Variants in LINGO2 observed in about 807,000 individuals in gnomAD.
The protein encoded by LINGO2 is leucine rich repeat and Ig domain containing 2, also known as leucine-rich repeat and immunoglobulin-like domain-containing nogo receptor-interacting protein 2.
A neutral mutation model predicts 30.6 loss-of-function variants in LINGO2; 14 were observed. The observed-to-expected ratio is 0.46, with a 90% confidence interval of 0.30 to 0.72. The LOEUF (loss-of-function observed/expected upper bound fraction) is 0.72. Among genes scored for constraint, LINGO2 ranks in the 30% least tolerant of loss-of-function variants. The probability of loss-of-function intolerance (pLI) is 0.07; values close to 1 mark genes in which losing one functional copy is unlikely to be tolerated. For missense variants in LINGO2, 729 were observed against 751.7 expected (o/e 0.97, Z 0.35); for synonymous variants, 317 against 288.5 (o/e 1.10, Z -1.00).
At position 28,312,113 on chromosome 9, in the gene LINGO2, A is replaced by G. The variant is rs908867404; in HGVS notation, c.-245-16747T>C. 4.0e-5 allele frequency among the ~76,000 whole-genome samples: 6 copies of G among 149,194 alleles called. No homozygotes were observed. The Admixed American group carries it at 4.0e-4, about 10-fold the overall frequency. Reference sequence around the variant, plus strand: ...ACCATTTATTGGTTATTAGTCAAGTATCTATGTTCTTTAGCTAGATGTTTT... The same window carrying G: ...ACCATTTATTGGTTATTAGTCAAGTGTCTATGTTCTTTAGCTAGATGTTTT... On this transcript the variant is annotated intron_variant, in intron 3 of 5. Coordinates refer to ENST00000379992, the Ensembl canonical transcript of LINGO2.
chr9:28,206,584 A>G, intron 4 of LINGO2, among the ~76,000 whole-genome samples: 1 of 152,166 alleles, frequency 6.6e-6, no homozygotes, highest in African/African-American at 2.4e-5. Flanking sequence ...GTTTTCTGCA[A>G]TCTTGAACTA....
chr9:28,508,795 C>T (rs910808763), intron 1 of LINGO2, among the ~76,000 whole-genome samples: 2 of 152,012 alleles, frequency 1.3e-5, no homozygotes, highest in Non-Finnish European at 2.9e-5. Flanking sequence ...TGACAGTTAA[C>T]AGACAGAAAC....
At chr9:27,963,644 T>G (rs1237322256) in intron 5 of LINGO2, among the ~76,000 whole-genome samples, 2 of 151,738 alleles carry the variant, frequency 1.3e-5, no homozygotes, top group Admixed American at 6.6e-5. Context: ...CTGTAAACCT[T>G]CTGACAATCT....
the LINGO2 span, among the ~76,000 whole-genome samples, chr9:28,974,409 A>G: frequency 6.6e-6 from 1 of 152,188 alleles, no homozygotes; most frequent in Non-Finnish European, 1.5e-5. Flanking sequence ...CTGTCTCAAA[A>G]ACAAACAAAA....
chr9:28,936,749 T>C, the LINGO2 span, among the ~76,000 whole-genome samples: 1 of 152,248 alleles, frequency 6.6e-6, no homozygotes, highest in Admixed American at 6.5e-5. Flanking sequence ...TTGCCATTAT[T>C]ATTATAAGTG....
At chr9:28,684,912 C>A in the LINGO2 span, among the ~76,000 whole-genome samples, 12 of 152,100 alleles carry the variant, frequency 7.9e-5, no homozygotes, top group South Asian at 2.5e-3. Flanking sequence ...GTTTGATGTA[C>A]AGATTATTTC....
intron 4 of LINGO2, among the ~76,000 whole-genome samples, chr9:28,227,681 C>G (rs1307082357): frequency 2.0e-5 from 3 of 151,958 alleles, no homozygotes; most frequent in African/African-American, 7.2e-5. Context: ...TAGAATCCCT[C>G]TAGTTAACAG....
chr9:29,012,538 T>C, the LINGO2 span, among the ~76,000 whole-genome samples: 15 of 152,146 alleles, frequency 9.9e-5, no homozygotes, highest in Non-Finnish European at 1.6e-4. Context: ...GTCTTTTTCA[T>C]GTGTTAGTAG....
intron 4 of LINGO2, among the ~76,000 whole-genome samples, chr9:28,047,047 G>T (rs1360734947): frequency 6.6e-6 from 1 of 152,130 alleles, no homozygotes; most frequent in Non-Finnish European, 1.5e-5. Context: ...ATGCTTAGCA[G>T]ATTGTAGGGA....
intron 4 of LINGO2, among the ~76,000 whole-genome samples, chr9:28,143,973 C>A (rs1827744632): frequency 6.6e-6 from 1 of 151,982 alleles, no homozygotes; most frequent in Non-Finnish European, 1.5e-5. Flanking sequence ...GAAGCATAAA[C>A]TACTTGTGCA....
rs543614358 is a variant in LINGO2 at position 28,111,814 on chromosome 9, G to A, written c.-86-99409C>T. On this transcript the variant is annotated intron_variant, in intron 4 of 5. Transcript: ENST00000379992. ...TACAAGGGCTTTTAGAGTCACACAGGGGAGAGTGATGCATTATTTCTGGAG... is the reference window on the plus strand; with the variant it reads ...TACAAGGGCTTTTAGAGTCACACAGAGGAGAGTGATGCATTATTTCTGGAG... Among the ~76,000 whole-genome samples the A allele has an allele frequency of 3.9e-5, 6 of 152,184 alleles. No individual in the cohort carries two copies. In the South Asian group the frequency reaches 1.2e-3, roughly 32 times the overall value.
At chr9:28,304,710 T>C (rs1206951491) in intron 3 of LINGO2, among the ~76,000 whole-genome samples, 1 of 152,090 alleles carries the variant, frequency 6.6e-6, no homozygotes, top group African/African-American at 2.4e-5. Flanking sequence ...TTTTAGGTAT[T>C]TGTTTAGATC....
intron 1 of LINGO2, among the ~76,000 whole-genome samples, chr9:28,501,216 A>T (rs10123736): frequency 0.71 from 108,460 of 152,072 alleles, 38,930 homozygotes; most frequent in South Asian, 0.76. Context: ...ATTGTTGGTA[A>T]TTAGGAAGTA....
chr9:29,204,220 G>T, the LINGO2 span, among the ~76,000 whole-genome samples: 480 of 152,288 alleles, frequency 3.2e-3, 2 homozygotes, highest in Non-Finnish European at 5.5e-3. Context: ...GAATGATTTG[G>T]ATTAATCTAT....
rs554541319 is a variant in LINGO2 at position 28,147,724 on chromosome 9, G to T, written c.-86-135319C>A. Among the ~76,000 whole-genome samples the T allele has an allele frequency of 6.6e-6, 1 of 152,262 alleles. No homozygotes were observed. Among genetic ancestry groups the T allele is most frequent in the South Asian group, 2.1e-4 (1 of 4,830 alleles). On this transcript the variant is annotated intron_variant, in intron 4 of 5. Coordinates refer to ENST00000379992, the Ensembl canonical transcript of LINGO2. This position sits in a 1 kb window ranked among gnomAD's most constrained non-coding sequence, Gnocchi z 4.7. ...GGGGCCCGTCCAGGGCCACACAACTGCCCCCAGGAGCAGGACGTCCCTGAG... is the reference window on the plus strand; with the variant it reads ...GGGGCCCGTCCAGGGCCACACAACTTCCCCCAGGAGCAGGACGTCCCTGAG...
intron 1 of LINGO2, among the ~76,000 whole-genome samples, chr9:28,556,204 T>C (rs1479355481): frequency 6.6e-6 from 1 of 151,984 alleles, no homozygotes; most frequent in African/African-American, 2.4e-5. Flanking sequence ...GGAAGTCAAA[T>C]TGTCCCTGTT....
Position 28,603,652 on chromosome 9 carries a change from G to A in LINGO2, c.-365+66548C>T, listed in dbSNP as rs55650331. Among the ~76,000 whole-genome samples, 1,356 of 152,100 alleles carry A rather than the reference G, an allele frequency of 8.9e-3. 20 individuals are homozygous for A. Among genetic ancestry groups the A allele is most frequent in the African/African-American group, 0.029 (1,189 of 41,520 alleles). On this transcript the variant is annotated intron_variant, in intron 1 of 5. Coordinates refer to ENST00000379992, the Ensembl canonical transcript of LINGO2. ...CAGAGCTGTCTCCTTTGGGAAAAAT[G>A]AAAGAGGAAATCACATTAAGAATAA...
At chr9:28,362,845 A>C (rs1820506124) in intron 3 of LINGO2, among the ~76,000 whole-genome samples, 1 of 152,208 alleles carries the variant, frequency 6.6e-6, no homozygotes, top group African/African-American at 2.4e-5. Flanking sequence ...TATTTTGAAA[A>C]GTGTTTTATT....
chr9:28,914,748 C>T, the LINGO2 span, among the ~76,000 whole-genome samples: 1 of 152,150 alleles, frequency 6.6e-6, no homozygotes, highest in African/African-American at 2.4e-5. Context: ...CTGGAACAAT[C>T]CCTCCTGTAT....
Sources: allele counts gnomAD v4.1 joint callset (sites outside exome capture counted in the v4.1 genomes callset), GRCh38; gene constraint gnomAD v4.1.1; non-coding constraint Gnocchi (gnomAD v3.1); transcripts MANE v1.5; gene names NCBI Gene and HGNC (gene_info 2026-07-23, HGNC 2026-07-21).